PRKAR2B: variants seen among roughly 807,000 people sequenced by gnomAD.
PRKAR2B encodes cAMP-dependent protein kinase type II-beta regulatory subunit.
In PRKAR2B, 14 loss-of-function variants were observed where a neutral mutation model predicts 49.9. That is an observed-to-expected ratio of 0.28 (90% confidence interval 0.19 to 0.44). The LOEUF is 0.44. PRKAR2B is among the 20% of genes least tolerant of loss of function. PRKAR2B has a pLI of 1.00. For synonymous variants in PRKAR2B, 196 were observed against 197.7 expected (o/e 0.99, Z 0.07); for missense variants, 393 against 537.9 (o/e 0.73, Z 2.67).
intron 2 of PRKAR2B, among the ~76,000 whole-genome samples, chr7:107,094,963 G>A (rs908865172): frequency 6.6e-6 from 1 of 152,098 alleles, no homozygotes; most frequent in African/African-American, 2.4e-5. Context: ...TTGTTCTTTT[G>A]ACTTAGGATT....
intron 1 of PRKAR2B, among the ~76,000 whole-genome samples, chr7:107,065,260 AAC>A (rs1209737715): frequency 1.3e-5 from 2 of 151,830 alleles, no homozygotes; most frequent in Admixed American, 6.6e-5. Flanking sequence ...TAATTTAACT[AAC>A]ACAGCTCCAG....
intron 3 of PRKAR2B, among the ~76,000 whole-genome samples, chr7:107,127,144 G>C (rs1311840528): frequency 6.6e-6 from 1 of 152,124 alleles, no homozygotes; most frequent in Non-Finnish European, 1.5e-5. Flanking sequence ...TGTGAGTTTT[G>C]ATGTTTGTGG....
Position 107,045,360 on chromosome 7 carries a change from C to G in PRKAR2B, c.307+146C>G, listed in dbSNP as rs149409663. 518 of 679,814 alleles carry G rather than the reference C, an allele frequency of 7.6e-4. 5 individuals are homozygous for G. The highest frequency in any genetic ancestry group is 7.3e-3 in the African/African-American group (391 of 53,204). The allele number at this position is 679,814 out of a possible 1,614,324, so 42.1% of individuals were successfully genotyped here. On this transcript the variant is annotated intron_variant, in intron 1 of 10. Transcript: ENST00000265717. ...CCCTACCTTCCCATCTCGCCCACCC[C>G]CTCAGCATCCATTTCTGTCTCTCCC...
chr7:107,150,304 T>A (rs1420028170), intron 6 of PRKAR2B, among the ~76,000 whole-genome samples: 3 of 152,160 alleles, frequency 2.0e-5, no homozygotes, highest in Non-Finnish European at 4.4e-5. Flanking sequence ...TGGTAAACAC[T>A]GGAATTAGAT....
chr7:107,159,623 C>A lies in PRKAR2B; in HGVS notation c.*41C>A. ...CAAGACCTGTAGTGACAAAATTACA[C>A]AGTAGTGGTTAGTCCACTGAGAATG... is the stretch of plus-strand genomic sequence containing the variant. On this transcript the variant is annotated 3_prime_UTR_variant, in exon 11 of 11. Coordinates refer to ENST00000265717, the MANE Select transcript of PRKAR2B (RefSeq NM_002736.3). 4.4e-6 allele frequency: 7 copies of A among 1,606,868 alleles called. No individual in the cohort carries two copies. Among genetic ancestry groups the A allele is most frequent in the Non-Finnish European group, 4.3e-6 (5 of 1,174,156 alleles).
intron 1 of PRKAR2B, 145 bp downstream of exon 1, chr7:107,045,359 C>A: frequency 2.9e-6 from 2 of 678,916 alleles, no homozygotes; most frequent in Admixed American, 6.2e-5. Flanking sequence ...CTCGCCCACC[C>A]CCTCAGCATC....
intron 8 of PRKAR2B, among the ~76,000 whole-genome samples, chr7:107,156,414 G>T (rs1796090016): frequency 6.6e-6 from 1 of 152,048 alleles, no homozygotes; most frequent in Non-Finnish European, 1.5e-5. Flanking sequence ...CTCCAGCCTG[G>T]GTGACAGAGC....
rs952481202 is a variant in PRKAR2B at position 107,138,298 on chromosome 7, G to A, written c.481-2549G>A. Reference sequence around the variant, plus strand: ...GTTGTAACAAATATGCCACTCCAGTGGAGGATGTTTATCTTGGGGGAGTCT... The same window carrying A: ...GTTGTAACAAATATGCCACTCCAGTAGAGGATGTTTATCTTGGGGGAGTCT... On this transcript the variant is annotated intron_variant, in intron 4 of 10. Transcript: ENST00000265717. 2.0e-5 allele frequency among the ~76,000 whole-genome samples: 3 copies of A among 152,166 alleles called. No individual in the cohort carries two copies. In the East Asian group the frequency reaches 5.8e-4, roughly 29 times the overall value.
chr7:107,115,121 AT>A (rs1389180912), intron 2 of PRKAR2B, among the ~76,000 whole-genome samples: 16 of 145,022 alleles, frequency 1.1e-4, no homozygotes, highest in Non-Finnish European at 1.8e-4. Context: ...ACCTACCTAA[AT>A]AAAGGTAAAA....
At chr7:107,045,498 G>C (rs954917564) in intron 1 of PRKAR2B, among the ~76,000 whole-genome samples, 1 of 152,182 alleles carries the variant, frequency 6.6e-6, no homozygotes, top group Admixed American at 6.5e-5. Flanking sequence ...TGCCTGGGCC[G>C]GTTGGGGTGG....
In PRKAR2B at chr7:107,147,401, TTTC is replaced by T. The variant is rs539996216; in HGVS notation, c.741+943_741+945del. On this transcript the variant is annotated intron_variant, in intron 6 of 10. Transcript: ENST00000265717. Reference sequence around the variant, plus strand: ...CTGAGCATTAGTACTTTTAAATACATTTCTTAATGTGGTATTCCCGCAAGACTT... The same window carrying T: ...CTGAGCATTAGTACTTTTAAATACATTTAATGTGGTATTCCCGCAAGACTT... Among the ~76,000 whole-genome samples, 415 of 152,360 alleles carry T rather than the reference TTTC, an allele frequency of 2.7e-3. 3 individuals are homozygous for T. Among genetic ancestry groups the T allele is most frequent in the African/African-American group, 9.6e-3 (398 of 41,590 alleles).
chr7:107,096,137 C>A (rs1794831846), intron 2 of PRKAR2B, among the ~76,000 whole-genome samples: 1 of 152,110 alleles, frequency 6.6e-6, no homozygotes, highest in Non-Finnish European at 1.5e-5. Context: ...TGGTCCTGGA[C>A]TCTTTTTGGT....
At chr7:107,118,343 A>G (rs1017907765) in intron 2 of PRKAR2B, among the ~76,000 whole-genome samples, 4 of 148,638 alleles carry the variant, frequency 2.7e-5, no homozygotes, top group East Asian at 3.9e-4. Flanking sequence ...CATTCATTCA[A>G]TGTGTGTTTG....
chr7:107,099,323 G>A (rs1191969650), intron 2 of PRKAR2B, among the ~76,000 whole-genome samples: 5 of 152,174 alleles, frequency 3.3e-5, no homozygotes, highest in Non-Finnish European at 4.4e-5. Context: ...AACCAGGCGC[G>A]GGATATAATC....
rs748643069 is a variant in PRKAR2B, at chr7:107,140,871, G to A, written c.505G>A (p.Ala169Thr). The part of the protein sequence containing the change: ...DPEQMSQVLD[A>T]MFEKLVKDGE... ...GGAGCAGATGTCTCAAGTATTAGAT[G>A]CCATGTTTGAAAAATTGGTCAAAGA... Residue 169 changes from alanine (A) to threonine (T), a missense_variant, in exon 5 of 11, where the codon GCC becomes ACC. By Grantham distance (58) the Ala-to-Thr change is moderately conservative. Transcript: ENST00000265717. The A allele has an allele frequency of 1.2e-6, 2 of 1,612,326 alleles. No homozygotes were observed. Among genetic ancestry groups the A allele is most frequent in the Non-Finnish European group, 1.7e-6 (2 of 1,178,994 alleles).
At chr7:107,058,921 G>T (rs928395636) in intron 1 of PRKAR2B, among the ~76,000 whole-genome samples, 16 of 152,156 alleles carry the variant, frequency 1.1e-4, no homozygotes, top group African/African-American at 3.9e-4. Context: ...ACAGATAAAT[G>T]AGGAACACTC....
At chr7:107,103,606 GAC>G (rs1795015724) in intron 2 of PRKAR2B, among the ~76,000 whole-genome samples, 1 of 152,198 alleles carries the variant, frequency 6.6e-6, no homozygotes, top group Non-Finnish European at 1.5e-5. Context: ...CAGGAAGTGA[GAC>G]AGTCACAGAG....
chr7:107,154,464 CGA>C (rs1796044292), intron 8 of PRKAR2B, among the ~76,000 whole-genome samples: 1 of 152,008 alleles, frequency 6.6e-6, no homozygotes, highest in South Asian at 2.1e-4. Context: ...TCAGAACACT[CGA>C]AAACTTAATA....
chr7:107,085,405 A>G (rs540011671), intron 2 of PRKAR2B, among the ~76,000 whole-genome samples: 6 of 152,230 alleles, frequency 3.9e-5, no homozygotes, highest in Admixed American at 2.0e-4. Flanking sequence ...CCAAAATGTA[A>G]TATTTATGAA....
Sources: gnomAD v4.1 joint callset for allele counts (sites outside exome capture counted in the v4.1 genomes callset) on GRCh38, gnomAD v4.1.1 for gene constraint, MANE v1.5 for transcripts, NCBI Gene and HGNC (gene_info 2026-07-23, HGNC 2026-07-21) for gene names.